The following PRELID2 variants were observed in gnomAD, a reference collection of about 807,000 sequenced individuals.
The protein encoded by PRELID2 is PRELI domain containing 2.
Under a neutral mutation model 28.4 loss-of-function variants are expected in PRELID2, and 25 were observed. That is an observed-to-expected ratio of 0.88 (90% CI 0.64 to 1.23). The LOEUF (loss-of-function observed/expected upper bound fraction) is 1.23. PRELID2 is among the 50% of genes most tolerant of loss of function. The pLI, the probability that PRELID2 is intolerant of heterozygous loss-of-function variation, is 0.00. For synonymous variants in PRELID2, 76 were observed against 71.6 expected (o/e 1.06, Z -0.31); for missense variants, 201 against 214.4 (o/e 0.94, Z 0.39).
chr5:145,728,546 ATCC>A (rs1180751765), intron 1 of PRELID2: 13 of 794,378 alleles, frequency 1.6e-5, no homozygotes, highest in Non-Finnish European at 2.9e-5. Flanking sequence ...CATCAGCATC[ATCC>A]TCAATTTCCT....
the PRELID2 span, among the ~76,000 whole-genome samples, chr5:145,391,402 C>G: frequency 6.6e-6 from 1 of 152,220 alleles, no homozygotes; most frequent in Non-Finnish European, 1.5e-5. Flanking sequence ...CTTTTAGCCA[C>G]TGCTAGAGAT....
At chr5:145,373,905 T>TATAATATATATATTATATATTACAAC in the PRELID2 span, among the ~76,000 whole-genome samples, 1 of 131,404 alleles carries the variant, frequency 7.6e-6, no homozygotes, top group East Asian at 2.4e-4. Flanking sequence ...TTACAACATA[T>TATAATATATATATTATATATTACAAC]ATAATATATA....
Position 145,759,488 on chromosome 5 carries a change from G to A in PRELID2, c.*1048C>T, listed in dbSNP as rs989003765. On this transcript the variant is annotated 3_prime_UTR_variant, in exon 7 of 7. Transcript: ENST00000683046. ...TTTGCAAAATGTTTTACATAATAAT[G>A]GCTTCCATTTCCTGGACTTCTACTA... is the stretch of plus-strand genomic sequence containing the variant. 1 of 152,142 alleles carries A rather than the reference G, an allele frequency of 6.6e-6. No homozygotes were observed. Among genetic ancestry groups the A allele is most frequent in the Non-Finnish European group, 1.5e-5 (1 of 68,044 alleles). The allele number at this position is 152,142 out of a possible 1,614,324, so 9.4% of individuals were successfully genotyped here.
chr5:145,423,354 C>A, the PRELID2 span, among the ~76,000 whole-genome samples: 176 of 151,864 alleles, frequency 1.2e-3, no homozygotes, highest in African/African-American at 4.0e-3. Context: ...TCCATTCTCC[C>A]CATCACTTTC....
At chr5:145,521,295 G>C (rs1009983290) in intron 1 of PRELID2, among the ~76,000 whole-genome samples, 2 of 152,080 alleles carry the variant, frequency 1.3e-5, no homozygotes, top group African/African-American at 4.8e-5. Flanking sequence ...TGAAAGATTG[G>C]CACCATCTAT....
chr5:145,405,715 T>G, the PRELID2 span, among the ~76,000 whole-genome samples: 1 of 148,256 alleles, frequency 6.7e-6, no homozygotes, highest in African/African-American at 2.5e-5. Flanking sequence ...TTTTTTTTTT[T>G]TTTTTTTTTT....
At chr5:145,268,556 C>A in the PRELID2 span, among the ~76,000 whole-genome samples, 1 of 152,110 alleles carries the variant, frequency 6.6e-6, no homozygotes, top group Non-Finnish European at 1.5e-5. Flanking sequence ...GTTGTTTATT[C>A]ATTGCCTTGA....
At chr5:145,753,823 T>G (rs565557206), downstream of PRELID2, among the ~76,000 whole-genome samples, 1 of 152,346 alleles carries the variant, frequency 6.6e-6, no homozygotes, top group African/African-American at 2.4e-5. Flanking sequence ...TTTAAAATTT[T>G]GAAGACAGCA....
At chr5:145,234,041 T>C in the PRELID2 span, among the ~76,000 whole-genome samples, 80 of 152,258 alleles carry the variant, frequency 5.3e-4, 1 homozygote, top group East Asian at 0.015. Flanking sequence ...TGAATACTGA[T>C]TATATTTACA....
chr5:145,330,592 T>C, the PRELID2 span, among the ~76,000 whole-genome samples: 4 of 152,236 alleles, frequency 2.6e-5, no homozygotes, highest in East Asian at 7.7e-4. Flanking sequence ...TGATGGTAGT[T>C]TGTATTTCAG....
At chr5:145,703,696 T>C (rs991847776) in intron 1 of PRELID2, among the ~76,000 whole-genome samples, 9 of 152,066 alleles carry the variant, frequency 5.9e-5, no homozygotes, top group East Asian at 1.9e-4. Context: ...CAAAATCATA[T>C]AGAAAAGAGA....
At chr5:145,256,941 TAAG>T in the PRELID2 span, among the ~76,000 whole-genome samples, 566 of 152,014 alleles carry the variant, frequency 3.7e-3, 13 homozygotes, top group African/African-American at 0.013. Context: ...AAAAGCAACT[TAAG>T]AAGATATCTT....
Position 145,615,647 on chromosome 5 carries a change from G to A in PRELID2, n.71-142332C>T, listed in dbSNP as rs575719978. Among the ~76,000 whole-genome samples, 6 of 152,286 alleles carry A rather than the reference G, an allele frequency of 3.9e-5. No individual in the cohort carries two copies. The East Asian group carries it at 1.2e-3, about 29-fold the overall frequency. ...AGCCGTGAGTCTCTTATAGGTGGTA[G>A]ATAGTTGGTTGGTGAATTCTTATCC... is the stretch of plus-strand genomic sequence containing the variant. On this transcript the variant is annotated intron_variant and non_coding_transcript_variant, in intron 1 of 2. Transcript: ENST00000510259.
At chr5:145,437,652 C>T in the PRELID2 span, among the ~76,000 whole-genome samples, 1 of 152,098 alleles carries the variant, frequency 6.6e-6, no homozygotes, top group African/African-American at 2.4e-5. Flanking sequence ...CCACATGACT[C>T]TTCGTGTAGC....
chr5:145,794,897 C>G (rs1270011584), intron 5 of PRELID2, among the ~76,000 whole-genome samples: 2 of 151,858 alleles, frequency 1.3e-5, no homozygotes, highest in Admixed American at 6.6e-5. Flanking sequence ...TTAGCTATAC[C>G]CTACAAGCCA....
chr5:145,608,994 T>C (rs973133077), intron 1 of PRELID2, among the ~76,000 whole-genome samples: 2 of 152,190 alleles, frequency 1.3e-5, no homozygotes, highest in Non-Finnish European at 2.9e-5. Context: ...CTGACGGAGT[T>C]ATTTTGGAGA....
intron 5 of PRELID2, among the ~76,000 whole-genome samples, chr5:145,787,014 C>T (rs1309184531): frequency 6.6e-6 from 1 of 152,208 alleles, no homozygotes; most frequent in East Asian, 1.9e-4. Flanking sequence ...CAATCGTTCT[C>T]TGCTTCAGCC....
At chr5:145,640,692 G>A (rs572537735) in intron 1 of PRELID2, among the ~76,000 whole-genome samples, 31 of 151,434 alleles carry the variant, frequency 2.0e-4, no homozygotes, top group Non-Finnish European at 8.8e-5. Context: ...AATTCACTTG[G>A]AAAAGGCAAG....
the PRELID2 span, among the ~76,000 whole-genome samples, chr5:145,350,800 A>G: frequency 4.6e-5 from 7 of 152,134 alleles, no homozygotes; most frequent in Non-Finnish European, 1.0e-4. Flanking sequence ...AAATTTGAAT[A>G]TGTGGCAGCA....
Sources: gnomAD v4.1 joint callset for allele counts (sites outside exome capture counted in the v4.1 genomes callset) on GRCh38, gnomAD v4.1.1 for gene constraint, MANE v1.5 for transcripts, NCBI Gene and HGNC (gene_info 2026-07-23, HGNC 2026-07-21) for gene names.